The following SCAPER variants were observed in gnomAD, a reference collection of about 807,000 sequenced individuals.
SCAPER encodes the protein S-phase cyclin A associated protein in the ER, also known as S phase cyclin A-associated protein in the endoplasmic reticulum.
In SCAPER, 98 loss-of-function variants were observed where a neutral mutation model predicts 182.2. That is an observed-to-expected ratio of 0.54 (90% confidence interval 0.46 to 0.64). SCAPER has a LOEUF of 0.64. Among genes scored for constraint, SCAPER ranks in the 30% least tolerant of loss-of-function variants. SCAPER has a pLI of 0.00. For missense variants in SCAPER, 1,432 were observed against 1,690.0 expected (o/e 0.85, Z 2.68); for synonymous variants, 605 against 564.6 (o/e 1.07, Z -1.01).
rs931621118 is a variant in SCAPER at position 76,765,546 on chromosome 15, A to G, written c.1495+17T>C. ...TTGAACACTGTACTACACACCCAATATGCATATACACAATACCTTCATAAT... is the reference window on the plus strand; with the variant it reads ...TTGAACACTGTACTACACACCCAATGTGCATATACACAATACCTTCATAAT... On this transcript the variant is annotated intron_variant, in intron 12 of 31. Coordinates refer to ENST00000563290, the MANE Select transcript of SCAPER (RefSeq NM_020843.4). 6 of 1,601,034 alleles carry G rather than the reference A, an allele frequency of 3.7e-6. No homozygotes were observed. Among genetic ancestry groups the G allele is most frequent in the African/African-American group, 1.3e-5 (1 of 74,768 alleles).
chr15:76,354,371 GTTA>G lies in SCAPER; in HGVS notation c.3856-234_3856-232del, dbSNP rs2040813623. ...CTGAAAGTTTTGCACTCATTTAAAA[GTTA>G]TTATAATCCACGATTAAAGGTGTAG... On this transcript the variant is annotated intron_variant, in intron 29 of 31. Coordinates refer to ENST00000563290, the MANE Select transcript of SCAPER (RefSeq NM_020843.4). This position sits in a 1 kb window ranked among gnomAD's most constrained non-coding sequence, Gnocchi z 4.4. 1 of 448,530 alleles carries G rather than the reference GTTA, an allele frequency of 2.2e-6. No homozygotes were observed. Among genetic ancestry groups the G allele is most frequent in the Non-Finnish European group, 3.9e-6 (1 of 258,492 alleles). 27.8% of individuals were successfully genotyped at this position (448,530 alleles called of 1,614,324 possible). A position where few individuals can be genotyped will look rare whatever the true frequency, so the allele number is the denominator to read the frequency against.
intron 15 of SCAPER, among the ~76,000 whole-genome samples, chr15:76,747,020 T>G (rs1294176278): frequency 1.3e-5 from 2 of 152,166 alleles, no homozygotes; most frequent in Non-Finnish European, 2.9e-5. Flanking sequence ...TCAATTCACA[T>G]GGAATGGCAA....
intron 23 of SCAPER, among the ~76,000 whole-genome samples, chr15:76,511,841 A>G (rs865953293): frequency 0.021 from 2,234 of 104,816 alleles, 48 homozygotes; most frequent in Admixed American, 0.058. Context: ...ATATATATAT[A>G]TATGTGTGTG....
intron 1 of SCAPER, among the ~76,000 whole-genome samples, chr15:76,886,309 G>C (rs919886775): frequency 1.3e-5 from 2 of 151,958 alleles, no homozygotes; most frequent in African/African-American, 4.8e-5. Flanking sequence ...GCAAAACCCT[G>C]CCTCTACTAA....
intron 20 of SCAPER, among the ~76,000 whole-genome samples, chr15:76,674,507 C>T (rs567234136): frequency 4.5e-4 from 68 of 152,260 alleles, no homozygotes; most frequent in African/African-American, 1.5e-3. Context: ...TGACTGAGTA[C>T]TCATCAATGG....
Position 76,424,337 on chromosome 15 carries a change from T to A in SCAPER, c.3311+9741A>T, listed in dbSNP as rs138915355. On this transcript the variant is annotated intron_variant, in intron 26 of 31. Transcript: ENST00000563290. ...TGCATATATGTTTAGGATAGTTAGC[T>A]CTTCTTGTTGAATTGATCCCTTTAC... is the stretch of plus-strand genomic sequence containing the variant. 5.4e-3 allele frequency among the ~76,000 whole-genome samples: 816 copies of A among 152,346 alleles called. 7 individuals carry two copies. The highest frequency in any genetic ancestry group is 0.018 in the African/African-American group (762 of 41,584).
At chr15:76,406,892 A>T (rs533149728) in intron 26 of SCAPER, among the ~76,000 whole-genome samples, 99 of 152,298 alleles carry the variant, frequency 6.5e-4, no homozygotes, top group Non-Finnish European at 1.0e-3. Flanking sequence ...TGGTTCCAGG[A>T]TGAGTATATG....
chr15:76,486,621 T>A (rs1376899138), intron 24 of SCAPER, among the ~76,000 whole-genome samples: 1 of 151,836 alleles, frequency 6.6e-6, no homozygotes, highest in Non-Finnish European at 1.5e-5. Flanking sequence ...TCATCACTGA[T>A]CAAATCAAAT....
intron 27 of SCAPER, among the ~76,000 whole-genome samples, chr15:76,397,828 G>A (rs893149139): frequency 1.3e-5 from 2 of 151,990 alleles, no homozygotes; most frequent in Non-Finnish European, 2.9e-5. Context: ...GGTCTGTTTT[G>A]GTTTTGGATT....
chr15:76,699,251 T>C (rs2058802794), intron 20 of SCAPER, among the ~76,000 whole-genome samples: 1 of 152,202 alleles, frequency 6.6e-6, no homozygotes, highest in South Asian at 2.1e-4. Flanking sequence ...TGGATGCCTC[T>C]GATTCTTTCT....
At chr15:76,499,039 C>G (rs2040865244) in intron 24 of SCAPER, among the ~76,000 whole-genome samples, 1 of 152,168 alleles carries the variant, frequency 6.6e-6, no homozygotes, top group South Asian at 2.1e-4. Flanking sequence ...ATGGGGCAAT[C>G]TTATACCTAC....
chr15:76,701,795 G>A lies in SCAPER; in HGVS notation c.2471C>T (p.Thr824Ile). 1 of 1,613,806 alleles carries A rather than the reference G, an allele frequency of 6.2e-7. No homozygotes were observed. The highest frequency in any genetic ancestry group is 1.1e-5 in the South Asian group (1 of 91,070). Reference protein sequence around the residue: ...RKHQQAVRENTSIQGRELSDE... With the variant: ...RKHQQAVRENISIQGRELSDE... The stretch of plus-strand genomic sequence containing the variant: ...TGACAGTTCACGCCCCTGGATGCTG[G>A]TATTCTCTCTCACGGCTTGCTGGTG... The change falls in exon 20 of 32, where the codon ACC (threonine) becomes ATC (isoleucine). Residue 824 changes from threonine to isoleucine, a missense_variant. Thr to Ile is a moderately conservative substitution (Grantham distance 89, BLOSUM62 -1). Around this residue, in one of 5 missense-constraint regions of SCAPER, gnomAD observed 718 missense variants for 799.7 expected, o/e 0.90. Coordinates refer to ENST00000563290, the MANE Select transcript of SCAPER (RefSeq NM_020843.4).
chr15:76,735,351 C>G (rs1413914685), intron 15 of SCAPER, among the ~76,000 whole-genome samples: 2 of 151,950 alleles, frequency 1.3e-5, no homozygotes, highest in South Asian at 4.2e-4. Context: ...CCAGTTTGGG[C>G]AACAGAGTGA....
At chr15:76,374,696 T>C (rs2042421081) in intron 29 of SCAPER, among the ~76,000 whole-genome samples, 1 of 151,720 alleles carries the variant, frequency 6.6e-6, no homozygotes, top group Non-Finnish European at 1.5e-5. Flanking sequence ...GGTGAGTATG[T>C]GGCTGGTCTC....
chr15:76,897,695 T>C lies in SCAPER; in HGVS notation c.-60+7604A>G, dbSNP rs544431333. On this transcript the variant is annotated intron_variant, in intron 1 of 31. Transcript: ENST00000563290. ...GCACTCCAGCCTGGGTGACAGAGACTCTATCTCGAAAAAAAAGAAAAAGAC... is the reference window on the plus strand; with the variant it reads ...GCACTCCAGCCTGGGTGACAGAGACCCTATCTCGAAAAAAAAGAAAAAGAC... Among the ~76,000 whole-genome samples, 552 of 152,178 alleles carry C rather than the reference T, an allele frequency of 3.6e-3. 6 individuals are homozygous for C. The highest frequency in any genetic ancestry group is 0.013 in the African/African-American group (533 of 41,518).
intron 17 of SCAPER, among the ~76,000 whole-genome samples, chr15:76,713,115 C>A (rs992980923): frequency 6.6e-5 from 10 of 152,198 alleles, no homozygotes; most frequent in Non-Finnish European, 1.5e-4. Flanking sequence ...TACGTACCAT[C>A]AATACAGGAA....
At chr15:76,591,617 A>G (rs2049116860) in intron 22 of SCAPER, among the ~76,000 whole-genome samples, 1 of 152,162 alleles carries the variant, frequency 6.6e-6, no homozygotes, top group Admixed American at 6.5e-5. Flanking sequence ...ACATGTCACC[A>G]TGTCTGGCTA....
chr15:76,710,316 C>T (rs1005645368), intron 17 of SCAPER, among the ~76,000 whole-genome samples: 2 of 152,082 alleles, frequency 1.3e-5, no homozygotes, highest in Non-Finnish European at 2.9e-5. Flanking sequence ...CAAACTAATA[C>T]AGACAGTCCC....
At position 76,733,340 on chromosome 15, in the gene SCAPER, T is replaced by C. The variant is rs776680031; in HGVS notation, c.1911A>G (p.Lys637=). The C allele has an allele frequency of 5.0e-6, 8 of 1,613,590 alleles. No individual in the cohort carries two copies. Among genetic ancestry groups the C allele is most frequent in the Non-Finnish European group, 6.8e-6 (8 of 1,179,764 alleles). The part of the protein sequence containing the change: ...AFINTLEAQN[K]RHDVLSKLKE... ...TCAATTTTGATAAAACATCATGACGTTTATTCTGGGCTTCAAGGGTATTTA... is the reference window on the plus strand; with the variant it reads ...TCAATTTTGATAAAACATCATGACGCTTATTCTGGGCTTCAAGGGTATTTA... The change falls in exon 16 of 32, where the codon AAA becomes AAG. Residue 637 remains lysine, a synonymous_variant. Transcript: ENST00000563290.
Sources: allele counts gnomAD v4.1 joint callset (sites outside exome capture counted in the v4.1 genomes callset), GRCh38; gene constraint gnomAD v4.1.1; regional missense constraint gnomAD v4.1.1; non-coding constraint Gnocchi (gnomAD v3.1); transcripts MANE v1.5; gene names NCBI Gene and HGNC (gene_info 2026-07-23, HGNC 2026-07-21).